CFAP69: variants seen among roughly 807,000 people sequenced by gnomAD.
The protein encoded by CFAP69 is cilia- and flagella-associated protein 69.
CFAP69 carries 92 observed loss-of-function variants against 123.0 expected under a neutral mutation model. That is an observed-to-expected ratio of 0.75 (90% CI 0.63 to 0.89). The LOEUF (loss-of-function observed/expected upper bound fraction) is 0.89, where lower values mean the gene tolerates loss of function less well. CFAP69 is among the 40% of genes least tolerant of loss of function. The pLI, the probability that CFAP69 is intolerant of heterozygous loss-of-function variation, is 0.00. For synonymous variants in CFAP69, 380 were observed against 364.3 expected, an observed-to-expected ratio of 1.04 and a Z score of -0.49; for missense variants, 1,067 against 1,096.9, an observed-to-expected ratio of 0.97 and a Z score of 0.39.
chr7:90,288,683 G>A (rs949545771), intron 15 of CFAP69, among the ~76,000 whole-genome samples: 4 of 152,038 alleles, frequency 2.6e-5, no homozygotes, highest in Non-Finnish European at 4.4e-5. Context: ...AATTCTTAAC[G>A]CTTGTATAGG....
chr7:90,256,751 T>C (rs1797703114), intron 2 of CFAP69, among the ~76,000 whole-genome samples: 1 of 152,176 alleles, frequency 6.6e-6, no homozygotes, highest in South Asian at 2.1e-4. Context: ...ATATCTACAT[T>C]TCCTTAAAAA....
intron 9 of CFAP69, among the ~76,000 whole-genome samples, chr7:90,275,436 C>G (rs186951576): frequency 6.6e-6 from 1 of 152,212 alleles, no homozygotes; most frequent in Admixed American, 6.5e-5. Flanking sequence ...TTCTCTCTCT[C>G]TGGCTCTCTC....
intron 21 of CFAP69, 117 bp downstream of exon 21, chr7:90,307,971 C>A (rs1793853383): frequency 3.4e-6 from 2 of 595,028 alleles, no homozygotes; most frequent in South Asian, 4.6e-5. Flanking sequence ...ACAATACCAG[C>A]ACTATTAGAT....
intron 17 of CFAP69, chr7:90,303,630 A>G (rs1793129592): frequency 1.0e-5 from 10 of 974,846 alleles, no homozygotes; most frequent in Non-Finnish European, 1.2e-5. Flanking sequence ...CCAAAAGTAA[A>G]CAAGGTTACA....
At chr7:90,302,286 T>G (rs1339691751) in intron 17 of CFAP69, 4 of 152,166 alleles carry the variant, frequency 2.6e-5, no homozygotes, top group African/African-American at 9.7e-5. Flanking sequence ...TTTCATCCTG[T>G]TGATAGTTTC....
At chr7:90,318,282 T>C in the CFAP69 span, 1 of 152,184 alleles carries the variant, frequency 6.6e-6, no homozygotes, top group African/African-American at 2.4e-5. Flanking sequence ...AAATAGGCAA[T>C]ATAAAAAATA....
rs1016373690 is a variant in CFAP69, at chr7:90,268,490, C to T, written c.532+106C>T. 40 of 780,220 alleles carry T rather than the reference C, an allele frequency of 5.1e-5. 2 individuals carry two copies. The South Asian group carries it at 6.0e-4, about 12-fold the overall frequency. 48.3% of individuals were successfully genotyped at this position (780,220 alleles called of 1,614,324 possible). A position where few individuals can be genotyped will look rare whatever the true frequency, so the allele number is the denominator to read the frequency against. On this transcript the variant is annotated intron_variant, in intron 6 of 22. Transcript: ENST00000389297. ...ACACAGTGGGCTCATAAATGTAACACATTAAAAAGAAAACTTTTTTGTAGT... is the reference window on the plus strand; with the variant it reads ...ACACAGTGGGCTCATAAATGTAACATATTAAAAAGAAAACTTTTTTGTAGT...
downstream of CFAP69, among the ~76,000 whole-genome samples, chr7:90,314,862 G>GCT (rs1794639930): frequency 6.6e-6 from 1 of 150,510 alleles, no homozygotes; most frequent in African/African-American, 2.4e-5. Flanking sequence ...CAATGCTATC[G>GCT]CTCCCCCCCC....
At chr7:90,304,436 T>C in intron 18 of CFAP69, 1 of 1,206,432 alleles carries the variant, frequency 8.3e-7, no homozygotes, top group Non-Finnish European at 1.0e-6. Context: ...TGCTGTCTAT[T>C]AAGGAAAAAG....
chr7:90,304,156 C>A, intron 18 of CFAP69, 50 bp downstream of exon 18: 1 of 1,475,246 alleles, frequency 6.8e-7, no homozygotes, highest in East Asian at 2.6e-5. Flanking sequence ...TAAGTATACA[C>A]ACTGATTTTA....
chr7:90,272,995 C>A (rs750721591), intron 8 of CFAP69, among the ~76,000 whole-genome samples: 2 of 152,080 alleles, frequency 1.3e-5, no homozygotes, highest in Non-Finnish European at 2.9e-5. Context: ...GAGTAAATGC[C>A]TAAATAAAAA....
chr7:90,257,549 CT>C (rs1470424176), intron 2 of CFAP69, among the ~76,000 whole-genome samples: 1 of 152,162 alleles, frequency 6.6e-6, no homozygotes, highest in East Asian at 1.9e-4. Context: ...GTCTTCCTAT[CT>C]TTTGTAATTA....
intron 15 of CFAP69, among the ~76,000 whole-genome samples, chr7:90,292,966 T>G (rs1476024050): frequency 1.3e-5 from 2 of 152,186 alleles, no homozygotes; most frequent in Non-Finnish European, 2.9e-5. Context: ...ACAAAACAAT[T>G]GTTTGTGGAT....
At chr7:90,312,650 G>A (rs1794429468), downstream of CFAP69, 2 of 152,130 alleles carry the variant, frequency 1.3e-5, no homozygotes, top group Admixed American at 1.3e-4. Flanking sequence ...CACAGTGAGT[G>A]AGTGACTCTT....
chr7:90,284,084 G>A (rs751106585), intron 13 of CFAP69, among the ~76,000 whole-genome samples: 1 of 152,116 alleles, frequency 6.6e-6, no homozygotes, highest in Non-Finnish European at 1.5e-5. Context: ...TCTTTCATAT[G>A]TCTAGGAAGA....
At chr7:90,273,939 A>G in intron 8 of CFAP69, 48 bp from the exon 9 acceptor site, 1 of 1,414,772 alleles carries the variant, frequency 7.1e-7, no homozygotes, top group Non-Finnish European at 9.6e-7. Context: ...GGACGCAAAC[A>G]TTTAGTGTAT....
chr7:90,298,302 T>C (rs2040515), intron 16 of CFAP69, among the ~76,000 whole-genome samples: 42,073 of 152,096 alleles, frequency 0.28, 6,798 homozygotes, highest in East Asian at 0.67. Flanking sequence ...GACCATTGTT[T>C]TGCAGAATGA....
chr7:90,308,652 G>C (rs17866070), intron 21 of CFAP69, among the ~76,000 whole-genome samples: 111 of 152,206 alleles, frequency 7.3e-4, no homozygotes, highest in African/African-American at 2.6e-3. Flanking sequence ...TTATCTCCCT[G>C]TTCACTGAAA....
chr7:90,304,090 T>C lies in CFAP69; in HGVS notation c.2172T>C (p.Ala724=). The change falls in exon 18 of 23, where the codon GCT becomes GCC. Residue 724 remains alanine (A), a synonymous_variant. Transcript: ENST00000389297. The stretch of plus-strand genomic sequence containing the variant: ...AGAATATTAGAGCAAAAATTTATGC[T>C]ATATTGGGCAAACTAGGTAAGAAGT... The part of the protein sequence containing the change: ...VSENIRAKIY[A]ILGKLDFENL... 6.5e-7 allele frequency: 1 copy of C among 1,550,054 alleles called. No homozygotes were observed. The highest frequency in any genetic ancestry group is 8.7e-7 in the Non-Finnish European group (1 of 1,146,098).
Sources: allele counts gnomAD v4.1 joint callset (sites outside exome capture counted in the v4.1 genomes callset), GRCh38; gene constraint gnomAD v4.1.1; transcripts MANE v1.5; gene names NCBI Gene and HGNC (gene_info 2026-07-23, HGNC 2026-07-21).